Variants in MIEF1 observed in about 807,000 individuals in gnomAD.
MIEF1 encodes the protein mitochondrial dynamics protein MIEF1.
MIEF1 carries 14 observed loss-of-function variants against 35.1 expected under a neutral mutation model. That is an observed-to-expected ratio of 0.40 (90% CI 0.26 to 0.62). The LOEUF (loss-of-function observed/expected upper bound fraction) is 0.62. Among genes scored for constraint, MIEF1 ranks in the 20% least tolerant of loss-of-function variants. The pLI is 0.43. For synonymous variants in MIEF1, 245 were observed against 254.3 expected, an observed-to-expected ratio of 0.96 and a Z score of 0.35; for missense variants, 542 against 615.4, an observed-to-expected ratio of 0.88 and a Z score of 1.26.
intron 1 of MIEF1, chr22:39,503,350 C>T (rs1054034253): frequency 3.3e-5 from 5 of 152,150 alleles, no homozygotes; most frequent in African/African-American, 7.2e-5. Context: ...GAACATTGCA[C>T]GTTGTATATA....
Position 39,502,294 on chromosome 22 carries a change from G to C in MIEF1, c.-483G>C, listed in dbSNP as rs557794765. ...ACCGGAAGTCCCTCCGCCTCCACTC[G>C]CCCTCGTGCTCCCTTCAGCCCCTTC... On this transcript the variant is annotated 5_prime_UTR_variant, in exon 1 of 6. Transcript: ENST00000325301. The C allele has an allele frequency of 6.6e-6, 1 of 152,506 alleles. No individual in the cohort carries two copies. The highest frequency in any genetic ancestry group is 1.9e-4 in the East Asian group (1 of 5,188). The allele number at this position is 152,506 out of a possible 1,614,324, so 9.4% of individuals were successfully genotyped here. A position where few individuals can be genotyped will look rare whatever the true frequency, so the allele number is the denominator to read the frequency against.
upstream of MIEF1, among the ~76,000 whole-genome samples, chr22:39,501,226 C>T (rs182982565): frequency 6.6e-6 from 1 of 152,300 alleles, no homozygotes; most frequent in East Asian, 1.9e-4. Context: ...TGGCTTTCTC[C>T]CTGTGGCTCC....
In MIEF1 at chr22:39,511,312, G is replaced by A; in HGVS notation, c.18G>A (p.Glu6=). MAGAG[E]RKGKKDDNGI... is the part of the protein sequence containing the mutation. ...GATGAGCAATGGCAGGCGCTGGTGAGCGCAAAGGCAAGAAGGATGACAATG... is the reference window on the plus strand; with the variant it reads ...GATGAGCAATGGCAGGCGCTGGTGAACGCAAAGGCAAGAAGGATGACAATG... Residue 6 remains glutamate, a synonymous_variant, in exon 3 of 6, where the codon GAG becomes GAA. Transcript: ENST00000325301. 6.2e-7 allele frequency: 1 copy of A among 1,613,834 alleles called. No individual in the cohort carries two copies. The highest frequency in any genetic ancestry group is 8.5e-7 in the Non-Finnish European group (1 of 1,179,882).
intron 5 of MIEF1, among the ~76,000 whole-genome samples, chr22:39,513,116 T>A (rs56194701): frequency 0.022 from 3,294 of 151,638 alleles, 108 homozygotes; most frequent in African/African-American, 0.071. Flanking sequence ...TTTTTTTTTT[T>A]TTGAGATGGA....
chr22:39,511,414 C>A lies in MIEF1; in HGVS notation c.120C>A (p.Gly40=). Residue 40 remains glycine (G), a synonymous_variant, in exon 3 of 6, where the codon GGC becomes GGA. Coordinates refer to ENST00000325301, the MANE Select transcript of MIEF1 (RefSeq NM_019008.6). ...GGGTGGGTGGAGCGGCCATGCTGGG[C>A]ATCGCCACGCTGGCAGTTAAGCGGG... The part of the protein sequence containing the change: ...VLGVGGAAML[G]IATLAVKRMY... 6.3e-7 allele frequency: 1 copy of A among 1,591,276 alleles called. No homozygotes were observed.
In MIEF1 at chr22:39,514,402, CCTCA is replaced by C; in HGVS notation, c.*81_*84del. The C allele has an allele frequency of 6.9e-7, 1 of 1,445,868 alleles. No individual in the cohort carries two copies. Among genetic ancestry groups the C allele is most frequent in the African/African-American group, 1.4e-5 (1 of 71,750 alleles). The allele number at this position is 1,445,868 out of a possible 1,614,324, so 89.6% of individuals were successfully genotyped here. A position where few individuals can be genotyped will look rare whatever the true frequency, so the allele number is the denominator to read the frequency against. On this transcript the variant is annotated 3_prime_UTR_variant, in exon 6 of 6. Transcript: ENST00000325301. ...GATACACTTGGCTACCTAGTTGGTG[CCTCA>C]CAGGGTTCCTGCTGCCTGGTGTCTT...
intron 2 of MIEF1, chr22:39,504,794 A>T (rs1028050043): frequency 5.8e-6 from 1 of 173,456 alleles, no homozygotes; most frequent in African/African-American, 2.4e-5. Context: ...GGTGGGGGGG[A>T]AAAAAGAGGA....
intron 1 of MIEF1, chr22:39,503,402 C>T (rs1390818008): frequency 6.6e-6 from 1 of 152,198 alleles, no homozygotes; most frequent in Non-Finnish European, 1.5e-5. Flanking sequence ...ACTAAGAACC[C>T]TGACCACCTT....
intron 2 of MIEF1, among the ~76,000 whole-genome samples, chr22:39,510,046 C>T (rs1930254512): frequency 6.6e-6 from 1 of 151,500 alleles, no homozygotes; most frequent in African/African-American, 2.4e-5. Flanking sequence ...GCAACCTCCG[C>T]CTTCCGGGTT....
Position 39,513,844 on chromosome 22 carries a change from G to T in MIEF1, c.913G>T (p.Asp305Tyr), listed in dbSNP as rs775712595. 1 of 1,614,094 alleles carries T rather than the reference G, an allele frequency of 6.2e-7. No homozygotes were observed. Among genetic ancestry groups the T allele is most frequent in the South Asian group, 1.1e-5 (1 of 91,078 alleles). ...CACACTGGAGGTGCAGTATGAGCGT[G>T]ACAAACATCTCTTCATTGACTTCCT... Reference protein sequence around the residue: ...ALTLEVQYERDKHLFIDFLPS... With the variant: ...ALTLEVQYERYKHLFIDFLPS... Residue 305 changes from aspartate (D) to tyrosine (Y), a missense_variant, in exon 6 of 6, where the codon GAC (aspartate) becomes TAC (tyrosine). Physicochemically the swap from Asp to Tyr is radical, Grantham distance 160. Transcript: ENST00000325301.
At chr22:39,510,491 G>C in intron 2 of MIEF1, among the ~76,000 whole-genome samples, 1 of 152,096 alleles carries the variant, frequency 6.6e-6, no homozygotes. Flanking sequence ...GGTTGGTCTT[G>C]AACTTCTGGC....
At position 39,516,199 on chromosome 22, in the gene MIEF1, C is replaced by T. The variant is rs949453150; in HGVS notation, c.*1876C>T. On this transcript the variant is annotated 3_prime_UTR_variant, in exon 6 of 6. Coordinates refer to ENST00000325301, the MANE Select transcript of MIEF1 (RefSeq NM_019008.6). The stretch of plus-strand genomic sequence containing the variant: ...AAAAATCTGTATGCCTGAGTACCAT[C>T]CTGGATGAATCTAGAAGGTATGGGG... The T allele has an allele frequency of 6.6e-6, 1 of 151,382 alleles. No individual in the cohort carries two copies. Among genetic ancestry groups the T allele is most frequent in the Non-Finnish European group, 1.5e-5 (1 of 67,984 alleles). 9.4% of individuals were successfully genotyped at this position (151,382 alleles called of 1,614,324 possible).
chr22:39,505,838 T>C (rs1449305482), intron 2 of MIEF1, among the ~76,000 whole-genome samples: 2 of 152,162 alleles, frequency 1.3e-5, no homozygotes, highest in East Asian at 3.9e-4. Flanking sequence ...TGGTGATCAG[T>C]TGGCTGAGGC....
chr22:39,502,804 C>A (rs1361147541), intron 1 of MIEF1, among the ~76,000 whole-genome samples: 1 of 152,248 alleles, frequency 6.6e-6, no homozygotes, highest in Non-Finnish European at 1.5e-5. Flanking sequence ...GCATCAAACA[C>A]TTCTGTTGAT....
rs545182925 is a variant in MIEF1, at chr22:39,514,502, A to G, written c.*179A>G. The G allele has an allele frequency of 8.0e-6, 5 of 626,744 alleles. No individual in the cohort carries two copies. Among genetic ancestry groups the G allele is most frequent in the African/African-American group, 1.8e-5 (1 of 54,084 alleles). The allele number at this position is 626,744 out of a possible 1,614,324, so 38.8% of individuals were successfully genotyped here. A position where few individuals can be genotyped will look rare whatever the true frequency, so the allele number is the denominator to read the frequency against. ...CTTTCGTCTCCTATTTTGTTACCCA[A>G]CTCTTCCTATTTTTGTTACCAATCA... On this transcript the variant is annotated 3_prime_UTR_variant, in exon 6 of 6. Transcript: ENST00000325301.
chr22:39,509,385 C>A (rs982139340), intron 2 of MIEF1: 1 of 152,250 alleles, frequency 6.6e-6, no homozygotes, highest in South Asian at 2.1e-4. Flanking sequence ...AGTGGTATTC[C>A]GATCTGAATC....
Position 39,515,510 on chromosome 22 carries a change from C to G in MIEF1, c.*1187C>G. The G allele has an allele frequency of 1.6e-6, 1 of 609,132 alleles. No homozygotes were observed. Among genetic ancestry groups the G allele is most frequent in the Non-Finnish European group, 3.0e-6 (1 of 338,602 alleles). The allele number at this position is 609,132 out of a possible 1,614,324, so 37.7% of individuals were successfully genotyped here. The stretch of plus-strand genomic sequence containing the variant: ...CAAGTGAGCATGCACGGACCTCTTC[C>G]CCCTGTCCTGTTTCTCACCCAGCAC... On this transcript the variant is annotated 3_prime_UTR_variant, in exon 6 of 6. Coordinates refer to ENST00000325301, the MANE Select transcript of MIEF1 (RefSeq NM_019008.6).
At chr22:39,506,704 T>C (rs1601744301) in intron 2 of MIEF1, among the ~76,000 whole-genome samples, 2 of 152,260 alleles carry the variant, frequency 1.3e-5, no homozygotes, top group South Asian at 4.1e-4. Context: ...GCCTCCATTA[T>C]TCATCATCCT....
chr22:39,513,606 G>C lies in MIEF1; in HGVS notation c.675G>C (p.Met225Ile). The change falls in exon 6 of 6, where the codon ATG (methionine) becomes ATC (isoleucine). Residue 225 changes from methionine to isoleucine, a missense_variant. Transcript: ENST00000325301. ...GTATTCCTGGTGAAGACACCATCAT[G>C]AATGTCCCTGGCTTCTTCCTGGTGC... ...WSCIPGEDTI[M>I]NVPGFFLVRR... 3 of 1,614,210 alleles carry C rather than the reference G, an allele frequency of 1.9e-6. No homozygotes were observed. The highest frequency in any genetic ancestry group is 2.5e-6 in the Non-Finnish European group (3 of 1,180,028).
Sources: gnomAD v4.1 joint callset for allele counts (sites outside exome capture counted in the v4.1 genomes callset) on GRCh38, gnomAD v4.1.1 for gene constraint, MANE v1.5 for transcripts, NCBI Gene and HGNC (gene_info 2026-07-23, HGNC 2026-07-21) for gene names.